Variants in CSMD3 observed in about 807,000 individuals in gnomAD.
CSMD3 encodes the protein CUB and sushi domain-containing protein 3.
CSMD3 carries 177 observed loss-of-function variants against 435.2 expected under a neutral mutation model. The observed-to-expected ratio is 0.41, with a 90% CI of 0.36 to 0.46. The LOEUF (loss-of-function observed/expected upper bound fraction) is 0.46, where lower values mean the gene tolerates loss of function less well. CSMD3 is among the 20% of genes least tolerant of loss of function. The pLI is 0.34. For missense variants in CSMD3, 4,265 were observed against 4,504.6 expected (o/e 0.95, Z 1.52); for synonymous variants, 1,656 against 1,520.5 (o/e 1.09, Z -2.07).
intron 32 of CSMD3, among the ~76,000 whole-genome samples, chr8:112,422,698 TAC>T (rs1812646337): frequency 6.6e-6 from 1 of 152,208 alleles, no homozygotes; most frequent in Non-Finnish European, 1.5e-5. Context: ...CACTCACATG[TAC>T]ACTCCCAACA....
At chr8:113,101,484 T>A (rs1407636819) in intron 4 of CSMD3, among the ~76,000 whole-genome samples, 5 of 152,030 alleles carry the variant, frequency 3.3e-5, no homozygotes, top group South Asian at 2.1e-4. Context: ...TATATTATAT[T>A]CCGTAAGCTC....
At chr8:113,281,589 G>A (rs962378007) in intron 2 of CSMD3, among the ~76,000 whole-genome samples, 2 of 151,762 alleles carry the variant, frequency 1.3e-5, no homozygotes, top group Admixed American at 1.3e-4. Flanking sequence ...GCAGATAGTT[G>A]GTTGGTGAGT....
At chr8:112,413,408 T>C (rs752922441) in intron 32 of CSMD3, among the ~76,000 whole-genome samples, 32 of 152,242 alleles carry the variant, frequency 2.1e-4, no homozygotes, top group Non-Finnish European at 3.5e-4. Context: ...TATCAAACCC[T>C]GTCGAATCCT....
intron 7 of CSMD3, among the ~76,000 whole-genome samples, chr8:112,964,573 T>C (rs2084348569): frequency 6.6e-6 from 1 of 151,960 alleles, no homozygotes; most frequent in South Asian, 2.1e-4. Context: ...GAAATTCAAA[T>C]AATCATCTAG....
intron 32 of CSMD3, among the ~76,000 whole-genome samples, chr8:112,468,198 G>A (rs1245941423): frequency 7.2e-6 from 1 of 138,930 alleles, no homozygotes; most frequent in Non-Finnish European, 1.6e-5. Context: ...TCTTCCCTCT[G>A]TTTTTAAAAT....
intron 3 of CSMD3, among the ~76,000 whole-genome samples, chr8:113,195,385 G>A (rs1304010102): frequency 6.6e-6 from 1 of 150,818 alleles, no homozygotes; most frequent in Non-Finnish European, 1.5e-5. Context: ...TTTTGAAACT[G>A]AGCCTTCAAA....
chr8:112,830,353 C>T (rs1048077148), intron 11 of CSMD3, among the ~76,000 whole-genome samples: 6 of 151,812 alleles, frequency 4.0e-5, no homozygotes, highest in East Asian at 1.9e-4. Context: ...TTAAAATGAG[C>T]GGCAAAACTG....
intron 6 of CSMD3, among the ~76,000 whole-genome samples, chr8:113,015,803 A>G (rs1276876687): frequency 6.6e-6 from 1 of 151,892 alleles, no homozygotes; most frequent in Non-Finnish European, 1.5e-5. Flanking sequence ...AAATATGACA[A>G]TGTATTCATC....
intron 59 of CSMD3, among the ~76,000 whole-genome samples, chr8:112,269,374 C>T (rs971054012): frequency 6.6e-6 from 1 of 152,172 alleles, no homozygotes; most frequent in Non-Finnish European, 1.5e-5. Context: ...AGATGGTGTC[C>T]TTAGCCCAAA....
intron 17 of CSMD3, among the ~76,000 whole-genome samples, chr8:112,661,717 G>A (rs1383510580): frequency 6.6e-6 from 1 of 151,952 alleles, no homozygotes; most frequent in Non-Finnish European, 1.5e-5. Flanking sequence ...AACTGAATAA[G>A]AGAATAAAAG....
intron 50 of CSMD3, among the ~76,000 whole-genome samples, chr8:112,306,818 T>C (rs990445574): frequency 1.3e-5 from 2 of 152,180 alleles, no homozygotes; most frequent in African/African-American, 2.4e-5. Flanking sequence ...ATTTCACTGA[T>C]GTGTCTTAGA....
At chr8:112,886,992 G>A (rs1341183682) in intron 10 of CSMD3, among the ~76,000 whole-genome samples, 1 of 151,388 alleles carries the variant, frequency 6.6e-6, no homozygotes, top group Non-Finnish European at 1.5e-5. Flanking sequence ...GGTTTAAGTG[G>A]ACCTTGAGTG....
intron 30 of CSMD3, among the ~76,000 whole-genome samples, chr8:112,499,904 T>C (rs530859463): frequency 1.4e-4 from 21 of 151,378 alleles, no homozygotes; most frequent in African/African-American, 4.8e-4. Context: ...AGGTCAGGAG[T>C]TTGAGACCAG....
chr8:112,500,931 C>T (rs1821882017), intron 30 of CSMD3, among the ~76,000 whole-genome samples: 1 of 152,120 alleles, frequency 6.6e-6, no homozygotes. Context: ...GACCAGCCTT[C>T]CCCGCACACT....
chr8:112,364,264 A>G (rs997647709), intron 38 of CSMD3, among the ~76,000 whole-genome samples: 9 of 152,072 alleles, frequency 5.9e-5, no homozygotes, highest in African/African-American at 2.2e-4. Context: ...AGATGCTTTC[A>G]GATATTCCAG....
At chr8:112,570,720 C>CACTTAAAAACAG (rs1415574084) in intron 24 of CSMD3, among the ~76,000 whole-genome samples, 1 of 152,144 alleles carries the variant, frequency 6.6e-6, no homozygotes, top group African/African-American at 2.4e-5. Context: ...AAAACAGATG[C>CACTTAAAAACAG]ATCACTATTT....
At chr8:112,276,216 A>C (rs572008960) in intron 59 of CSMD3, among the ~76,000 whole-genome samples, 88 of 152,316 alleles carry the variant, frequency 5.8e-4, no homozygotes, top group South Asian at 2.3e-3. Flanking sequence ...TCTCACATCC[A>C]GGTCACTGAT....
intron 7 of CSMD3, among the ~76,000 whole-genome samples, chr8:112,975,105 C>G (rs1056837472): frequency 2.0e-5 from 3 of 151,508 alleles, no homozygotes; most frequent in African/African-American, 4.8e-5. Context: ...AATGTATTTT[C>G]TAGACTTCCT....
chr8:112,410,872 G>A (rs1811255960), intron 32 of CSMD3, among the ~76,000 whole-genome samples: 1 of 149,972 alleles, frequency 6.7e-6, no homozygotes, highest in Non-Finnish European at 1.5e-5. Flanking sequence ...TGGTATTTTA[G>A]TCTAATCACG....
Sources: gnomAD v4.1 joint callset for allele counts (sites outside exome capture counted in the v4.1 genomes callset) on GRCh38, gnomAD v4.1.1 for gene constraint, MANE v1.5 for transcripts, NCBI Gene and HGNC (gene_info 2026-07-23, HGNC 2026-07-21) for gene names.